Variants in MED12 observed in about 807,000 individuals in gnomAD.
MED12 encodes mediator complex subunit 12.
Under a neutral mutation model 177.7 loss-of-function variants are expected in MED12, and 10 were observed. The ratio of observed to expected loss-of-function variants is 0.06; its 90% CI spans 0.03 to 0.10. MED12 has a LOEUF of 0.10. MED12 is among the 10% of genes least tolerant of loss of function. The probability of loss-of-function intolerance (pLI) is 1.00; values close to 1 mark genes in which losing one functional copy is unlikely to be tolerated. For missense variants in MED12, 867 were observed against 1,780.8 expected (o/e 0.49, Z 9.23); for synonymous variants, 641 against 678.4 (o/e 0.94, Z 0.86).
intron 21 of MED12, 187 bp downstream of exon 21, chrX:71,127,654 C>T: frequency 4.1e-6 from 2 of 487,727 alleles, no homozygotes; most frequent in South Asian, 3.1e-5. Flanking sequence ...TTGCTCCCCG[C>T]CTATATCTGT....
intron 41 of MED12, among the ~76,000 whole-genome samples, chrX:71,139,028 GA>G (rs1163810659): frequency 1.8e-5 from 2 of 111,532 alleles, no homozygotes; most frequent in Non-Finnish European, 3.8e-5. Flanking sequence ...AGGACTGGGT[GA>G]GGTGAAGAAA....
chrX:71,132,198 T>A lies in MED12; in HGVS notation c.4245T>A (p.Pro1415=). Residue 1415 remains proline, a synonymous_variant, in exon 30 of 45, where the codon CCT becomes CCA. Transcript: ENST00000374080. ...SNMPSSSKTK[P]VLSSLERSGV... The stretch of plus-strand genomic sequence containing the variant: ...TGCCCAGCAGCAGCAAGACCAAGCC[T>A]GTGCTCAGGTCGGATAGAAACATGT... 1.7e-6 allele frequency: 2 copies of A among 1,211,039 alleles called. No individual in the cohort carries two copies. Among genetic ancestry groups the A allele is most frequent in the African/African-American group, 3.5e-5 (2 of 57,874 alleles).
At position 71,131,833 on chromosome X, in the gene MED12, G is replaced by GTGGT. The variant is rs751436083; in HGVS notation, c.4119+213_4119+216dup. Reference sequence around the variant, plus strand: ...TGAGCTGTGGGGAAGCTTGGTGGTGGTGGTGGAGCCTGTTTCTCTGGCCAT... The same window carrying GTGGT: ...TGAGCTGTGGGGAAGCTTGGTGGTGGTGGTTGGTGGAGCCTGTTTCTCTGGCCAT... On this transcript the variant is annotated intron_variant, in intron 29 of 44. Coordinates refer to ENST00000374080, the MANE Select transcript of MED12 (RefSeq NM_005120.3). 1.0e-3 allele frequency among the ~76,000 whole-genome samples: 114 copies of GTGGT among 111,280 alleles called. 1 individual carries two copies. Among genetic ancestry groups the GTGGT allele is most frequent in the Non-Finnish European group, 1.7e-3 (90 of 52,984 alleles).
Position 71,137,157 on chromosome X carries a change from G to C in MED12, c.5552-30G>C, listed in dbSNP as rs761104349. ...TGAGCAAGAGACAGAGGGATGAGGAGCCTAGAGGTCAGCCCACTCTCCTTT... is the reference window on the plus strand; with the variant it reads ...TGAGCAAGAGACAGAGGGATGAGGACCCTAGAGGTCAGCCCACTCTCCTTT... On this transcript the variant is annotated intron_variant, in intron 38 of 44. Coordinates refer to ENST00000374080, the MANE Select transcript of MED12 (RefSeq NM_005120.3). 7 of 1,203,537 alleles carry C rather than the reference G, an allele frequency of 5.8e-6. No homozygotes were observed. In the South Asian group the frequency reaches 1.2e-4, roughly 21 times the overall value.
chrX:71,127,572 T>G, intron 21 of MED12, 105 bp downstream of exon 21: 1 of 731,023 alleles, frequency 1.4e-6, no homozygotes. Context: ...GCTGCCTGTC[T>G]AGGGTCATTT....
rs748703121 is a variant in MED12, at chrX:71,134,483, C to T, written c.4727+17C>T. ...GTCCAACAAGTAAAGCATCCCCACCCGCTCCCTGCAGTTTCATACCCAAGA... is the reference window on the plus strand; with the variant it reads ...GTCCAACAAGTAAAGCATCCCCACCTGCTCCCTGCAGTTTCATACCCAAGA... On this transcript the variant is annotated intron_variant, in intron 34 of 44. Coordinates refer to ENST00000374080, the MANE Select transcript of MED12 (RefSeq NM_005120.3). The T allele has an allele frequency of 4.0e-5, 41 of 1,032,998 alleles. No individual in the cohort carries two copies. Among genetic ancestry groups the T allele is most frequent in the Non-Finnish European group, 4.7e-5 (35 of 751,642 alleles). 85.1% of individuals were successfully genotyped at this position (1,032,998 alleles called of 1,213,427 possible).
rs1278775881 is a variant in MED12 at position 71,121,436 on chromosome X, G to A, written c.845G>A (p.Arg282Gln). Residue 282 changes from arginine (R) to glutamine (Q), a missense_variant and splice_region_variant, in exon 6 of 45, where the codon CGA becomes CAA. This residue lies in a region of MED12 where 309 missense variants were observed against 556.3 expected (regional missense o/e 0.56). Coordinates refer to ENST00000374080, the MANE Select transcript of MED12 (RefSeq NM_005120.3). ...AAACTGCTGCTGCCTCTGCTTCTCCGAGTAAGGCTTGGAATTTTGGTACTG... is the reference window on the plus strand; with the variant it reads ...AAACTGCTGCTGCCTCTGCTTCTCCAAGTAAGGCTTGGAATTTTGGTACTG... Reference protein sequence around the residue: ...LLKLLLPLLLRYSGEFVQSAY... With the variant: ...LLKLLLPLLLQYSGEFVQSAY... 30 of 1,210,823 alleles carry A rather than the reference G, an allele frequency of 2.5e-5. No homozygotes were observed. Among genetic ancestry groups the A allele is most frequent in the Non-Finnish European group, 3.2e-5 (29 of 894,839 alleles).
intron 12 of MED12, among the ~76,000 whole-genome samples, 180 bp downstream of exon 12, chrX:71,123,900 T>G (rs1207759395): frequency 8.9e-6 from 1 of 112,344 alleles, no homozygotes; most frequent in African/African-American, 3.2e-5. Flanking sequence ...TTAAACAGAG[T>G]AGAGAAATAC....
intron 26 of MED12, 104 bp from the exon 27 acceptor site, chrX:71,129,576 T>A: frequency 8.6e-6 from 9 of 1,050,153 alleles, no homozygotes; most frequent in Non-Finnish European, 1.2e-5. Flanking sequence ...TTCTGTCCCA[T>A]AGGGCAGGAT....
In MED12 at chrX:71,128,466, A is replaced by G. The variant is rs749625903; in HGVS notation, c.3354+26A>G. The stretch of plus-strand genomic sequence containing the variant: ...GTGAGACTTGGGGTGGGGTTTTGCT[A>G]GTGGGGCAGTGACCAGGGCAGGGGG... On this transcript the variant is annotated intron_variant, in intron 23 of 44. Coordinates refer to ENST00000374080, the MANE Select transcript of MED12 (RefSeq NM_005120.3). 34 of 1,208,064 alleles carry G rather than the reference A, an allele frequency of 2.8e-5. No individual in the cohort carries two copies. Among genetic ancestry groups the G allele is most frequent in the Non-Finnish European group, 1.6e-5 (14 of 894,775 alleles).
chrX:71,120,955 T>TC lies in MED12; in HGVS notation c.554-13dup. 1 of 1,210,115 alleles carries TC rather than the reference T, an allele frequency of 8.3e-7. No homozygotes were observed. Among genetic ancestry groups the TC allele is most frequent in the Middle Eastern group, 2.3e-4 (1 of 4,351 alleles). On this transcript the variant is annotated splice_polypyrimidine_tract_variant and intron_variant, in intron 4 of 44. Coordinates refer to ENST00000374080, the MANE Select transcript of MED12 (RefSeq NM_005120.3). ...AAGGATAGTATCAAATAGCCCTTTT[T>TC]CCCTCTTTCCTCCAGAATGGACTCA...
intron 42 of MED12, 29 bp downstream of exon 42, chrX:71,140,886 T>C (rs966967025): frequency 8.3e-7 from 1 of 1,200,966 alleles, no homozygotes; most frequent in Non-Finnish European, 1.1e-6. Flanking sequence ...ATCTGGGACC[T>C]GGGAGCCCAG....
chrX:71,133,066 T>C, intron 32 of MED12, 57 bp from the exon 33 acceptor site: 2 of 1,044,379 alleles, frequency 1.9e-6, no homozygotes, highest in Admixed American at 4.4e-5. Flanking sequence ...TATTGGCTGC[T>C]GTGGGATGGA....
intron 33 of MED12, among the ~76,000 whole-genome samples, chrX:71,134,023 A>G (rs1454983176): frequency 9.1e-6 from 1 of 109,535 alleles, no homozygotes; most frequent in Admixed American, 9.7e-5. Context: ...AGGTCAGGAG[A>G]TCGAGACCAT....
chrX:71,129,316 A>G lies in MED12; in HGVS notation c.3578A>G (p.Asn1193Ser), dbSNP rs2147805395. Residue 1193 changes from asparagine (N) to serine (S), a missense_variant and splice_region_variant, in exon 26 of 45, where the codon AAC becomes AGC. Physicochemically the swap from Asn to Ser is conservative, Grantham distance 46 (BLOSUM62 1). Coordinates refer to ENST00000374080, the MANE Select transcript of MED12 (RefSeq NM_005120.3). ...CCCCTGACTTCATCGCCTTCCCCAG[A>G]CAAGCCTACAGTAGGAATCCGCTCC... ...PQLNPCQSDG[N>S]KPTVGIRSSC... 5.0e-6 allele frequency: 6 copies of G among 1,201,230 alleles called. No homozygotes were observed. The highest frequency in any genetic ancestry group is 6.8e-6 in the Non-Finnish European group (6 of 886,075).
At position 71,137,361 on chromosome X, in the gene MED12, A is replaced by G. The variant is rs770153551; in HGVS notation, c.5726A>G (p.Gln1909Arg). 1.7e-6 allele frequency: 2 copies of G among 1,211,598 alleles called. No individual in the cohort carries two copies. The highest frequency in any genetic ancestry group is 2.2e-6 in the Non-Finnish European group (2 of 895,438). ...CAGCAACCTGCGGTGCCCCAAGGAC[A>G]GCGCCTTCGCCAACAGCTCCAGGCA... ...RQQQPAVPQG[Q>R]RLRQQLQQSQ... Residue 1909 changes from glutamine (Q) to arginine (R), a missense_variant, in exon 39 of 45, where the codon CAG (glutamine) becomes CGG (arginine). By Grantham distance (43) the Gln-to-Arg change is conservative. This residue lies in a region of MED12 where 236 missense variants were observed against 345.2 expected (regional missense o/e 0.68). Coordinates refer to ENST00000374080, the MANE Select transcript of MED12 (RefSeq NM_005120.3).
Position 71,142,350 on chromosome X carries a change from G to T in MED12, c.*132G>T. On this transcript the variant is annotated 3_prime_UTR_variant, in exon 45 of 45. Transcript: ENST00000374080. ...AGGCTCCATTTTTAATAAGTTTTTA[G>T]TATTTTTGTTAATGTGAGGCATTGA... The T allele has an allele frequency of 1.5e-6, 1 of 664,279 alleles. No individual in the cohort carries two copies. Among genetic ancestry groups the T allele is most frequent in the Non-Finnish European group, 2.3e-6 (1 of 426,949 alleles). 54.7% of individuals were successfully genotyped at this position (664,279 alleles called of 1,213,427 possible). A position where few individuals can be genotyped will look rare whatever the true frequency, so the allele number is the denominator to read the frequency against.
At chrX:71,121,853 T>G (rs773484619) in intron 7 of MED12, 37 bp downstream of exon 7, 5 of 1,209,422 alleles carry the variant, frequency 4.1e-6, no homozygotes, top group East Asian at 3.0e-5. Flanking sequence ...CATTGAGAGA[T>G]AGCCTGAGAA....
intron 33 of MED12, among the ~76,000 whole-genome samples, chrX:71,133,539 G>A (rs1382659548): frequency 9.1e-6 from 1 of 110,288 alleles, no homozygotes; most frequent in African/African-American, 3.3e-5. Flanking sequence ...TGACCATGCT[G>A]GTCAGGCTGG....
Sources: allele counts gnomAD v4.1 joint callset (sites outside exome capture counted in the v4.1 genomes callset), GRCh38; gene constraint gnomAD v4.1.1; regional missense constraint gnomAD v4.1.1; transcripts MANE v1.5; gene names NCBI Gene and HGNC (gene_info 2026-07-23, HGNC 2026-07-21).